The following MTUS2 variants were observed in gnomAD, a reference collection of about 807,000 sequenced individuals.
MTUS2 encodes the protein microtubule-associated tumor suppressor candidate 2.
MTUS2 carries 40 observed loss-of-function variants against 114.1 expected under a neutral mutation model. The observed-to-expected ratio is 0.35, with a 90% CI of 0.27 to 0.46. MTUS2 has a LOEUF of 0.46. Ranked by LOEUF, MTUS2 falls within the 20% of genes least tolerant of loss-of-function variation. MTUS2 has a pLI of 1.00. For missense variants in MTUS2, 1,679 were observed against 1,705.4 expected (o/e 0.98, Z 0.27); for synonymous variants, 688 against 672.0 (o/e 1.02, Z -0.37).
intron 9 of MTUS2, among the ~76,000 whole-genome samples, chr13:29,452,872 C>T (rs1878825675): frequency 6.6e-6 from 1 of 152,184 alleles, no homozygotes. Flanking sequence ...ACAGAGTCAG[C>T]TGCCTCCACT....
chr13:29,060,037 C>G (rs1888336907), intron 4 of MTUS2, among the ~76,000 whole-genome samples: 1 of 152,198 alleles, frequency 6.6e-6, no homozygotes, highest in Non-Finnish European at 1.5e-5. Context: ...TGAGTGCTTC[C>G]TGGAACAACA....
intron 9 of MTUS2, among the ~76,000 whole-genome samples, chr13:29,458,786 T>C (rs1265124338): frequency 1.3e-5 from 2 of 152,238 alleles, no homozygotes; most frequent in Non-Finnish European, 2.9e-5. Flanking sequence ...CCTATATGCC[T>C]ATGTTAGTTC....
intron 5 of MTUS2, among the ~76,000 whole-genome samples, chr13:29,196,259 G>T (rs981188903): frequency 2.0e-5 from 3 of 152,004 alleles, no homozygotes; most frequent in Non-Finnish European, 4.4e-5. Context: ...ACCACACCCA[G>T]CTAATTTTTG....
chr13:29,308,932 A>G (rs1348685672), intron 6 of MTUS2, among the ~76,000 whole-genome samples: 2 of 133,894 alleles, frequency 1.5e-5, no homozygotes, highest in African/African-American at 5.5e-5. Context: ...GAGACAAAGG[A>G]GCACTTTTGC....
intron 4 of MTUS2, among the ~76,000 whole-genome samples, chr13:29,048,361 T>C (rs1438030645): frequency 2.0e-5 from 3 of 152,262 alleles, no homozygotes; most frequent in African/African-American, 7.2e-5. Flanking sequence ...TTTCAATTGA[T>C]TGCATCTTCT....
chr13:28,891,280 A>G (rs1878906575), intron 2 of MTUS2, among the ~76,000 whole-genome samples: 1 of 152,258 alleles, frequency 6.6e-6, no homozygotes, highest in Non-Finnish European at 1.5e-5. Context: ...GTAAAGAGCC[A>G]GAAACGGTAA....
chr13:29,334,914 G>A (rs756194483), intron 7 of MTUS2, among the ~76,000 whole-genome samples: 3 of 152,290 alleles, frequency 2.0e-5, no homozygotes, highest in East Asian at 1.9e-4. Context: ...ATCTTCGTAA[G>A]CTCAGGAGGG....
At chr13:29,452,902 C>T (rs976604053) in intron 9 of MTUS2, among the ~76,000 whole-genome samples, 2 of 152,128 alleles carry the variant, frequency 1.3e-5, no homozygotes, top group African/African-American at 4.8e-5. Flanking sequence ...CTCCATAAAT[C>T]TAATATTTAA....
intron 7 of MTUS2, among the ~76,000 whole-genome samples, chr13:29,331,117 A>G (rs1229077687): frequency 6.6e-6 from 1 of 152,146 alleles, no homozygotes; most frequent in Non-Finnish European, 1.5e-5. Flanking sequence ...TTCATTGGGC[A>G]GTGGTTTGTA....
At chr13:29,064,819 C>T (rs1888590697) in intron 4 of MTUS2, among the ~76,000 whole-genome samples, 1 of 152,096 alleles carries the variant, frequency 6.6e-6, no homozygotes, top group African/African-American at 2.4e-5. Flanking sequence ...GTCTGCTTCT[C>T]TCTTTATGTC....
At chr13:28,925,706 T>G (rs1881287882) in intron 2 of MTUS2, among the ~76,000 whole-genome samples, 1 of 152,222 alleles carries the variant, frequency 6.6e-6, no homozygotes, top group African/African-American at 2.4e-5. Context: ...CTCTGGTGTC[T>G]CAAATTCCTT....
intron 5 of MTUS2, among the ~76,000 whole-genome samples, chr13:29,140,675 T>TAC: frequency 6.6e-6 from 1 of 152,274 alleles, no homozygotes; most frequent in African/African-American, 2.4e-5. Flanking sequence ...CTGCCCCAGT[T>TAC]CTCTGGTAGG....
intron 10 of MTUS2, among the ~76,000 whole-genome samples, chr13:29,483,007 G>A (rs1477353407): frequency 6.6e-6 from 1 of 152,220 alleles, no homozygotes; most frequent in Non-Finnish European, 1.5e-5. Flanking sequence ...TTTAGTGGGA[G>A]AGGAGACTCA....
intron 2 of MTUS2, among the ~76,000 whole-genome samples, chr13:28,906,738 T>C (rs1880043608): frequency 1.3e-5 from 2 of 151,514 alleles, no homozygotes; most frequent in South Asian, 2.1e-4. Context: ...TCTGTTGATT[T>C]GGGGTGGAGA....
chr13:29,207,035 A>G (rs974959012), intron 5 of MTUS2, among the ~76,000 whole-genome samples: 7 of 152,174 alleles, frequency 4.6e-5, no homozygotes, highest in Non-Finnish European at 1.0e-4. Context: ...CTACCCATTC[A>G]TGAGCATGGC....
chr13:29,075,450 T>A (rs993993134), intron 4 of MTUS2, among the ~76,000 whole-genome samples: 2 of 152,260 alleles, frequency 1.3e-5, no homozygotes, highest in African/African-American at 4.8e-5. Flanking sequence ...AGAAGTTTGG[T>A]TGTCTCAAGA....
intron 9 of MTUS2, among the ~76,000 whole-genome samples, chr13:29,462,910 A>G (rs1209991742): frequency 1.3e-5 from 2 of 152,142 alleles, no homozygotes; most frequent in Non-Finnish European, 2.9e-5. Context: ...TCCTCGTTCT[A>G]GTCCCCAGAG....
At chr13:28,990,130 C>T (rs1210485797) in intron 2 of MTUS2, among the ~76,000 whole-genome samples, 1 of 152,146 alleles carries the variant, frequency 6.6e-6, no homozygotes, top group Non-Finnish European at 1.5e-5. Flanking sequence ...CTATGAATTG[C>T]TCTGTGCCAG....
At chr13:28,984,029 C>G (rs1360739989) in intron 2 of MTUS2, among the ~76,000 whole-genome samples, 1 of 152,182 alleles carries the variant, frequency 6.6e-6, no homozygotes, top group Non-Finnish European at 1.5e-5. Flanking sequence ...GTTTCCAGCT[C>G]TATGTTCAGT....
Sources: allele counts gnomAD v4.1 joint callset (sites outside exome capture counted in the v4.1 genomes callset), GRCh38; gene constraint gnomAD v4.1.1; transcripts MANE v1.5; gene names NCBI Gene and HGNC (gene_info 2026-07-23, HGNC 2026-07-21).